The following MTERF4 variants were observed in gnomAD, a reference collection of about 807,000 sequenced individuals.
The protein encoded by MTERF4 is transcription termination factor 4, mitochondrial.
In MTERF4, 17 loss-of-function variants were observed where a neutral mutation model predicts 22.5. That is an observed-to-expected ratio of 0.75 (90% CI 0.52 to 1.13). MTERF4 has a LOEUF of 1.13. MTERF4 is among the 50% of genes most tolerant of loss of function. MTERF4 has a pLI of 0.00. For synonymous variants in MTERF4, 165 were observed against 175.3 expected, an observed-to-expected ratio of 0.94 and a Z score of 0.47; for missense variants, 420 against 466.8, an observed-to-expected ratio of 0.90 and a Z score of 0.92.
chr2:241,052,143 G>A, the MTERF4 span: 58 of 1,613,490 alleles, frequency 3.6e-5, no homozygotes, highest in South Asian at 2.0e-4. Flanking sequence ...TTCTCCGGGC[G>A]GCACTGCGAG....
In MTERF4 at chr2:241,096,179, C is replaced by T. The variant is rs115362671; in HGVS notation, c.965G>A (p.Arg322Gln). 2.0e-4 allele frequency: 320 copies of T among 1,614,148 alleles called. 1 individual carries two copies. The African/African-American group carries it at 3.7e-3, about 19-fold the overall frequency. ...GCTGCTCTCAGACTCCTCCTCCTCC[C>T]GAGCCAGGAGCTTCTTAAAAACTTG... ...EFQVFKKLLAREEEESESSTS... is the reference protein window; with the variant it reads ...EFQVFKKLLAQEEEESESSTS... The change falls in exon 4 of 4, where the codon CGG becomes CAG. Residue 322 changes from arginine to glutamine, a missense_variant. Arg to Gln is a conservative substitution (Grantham distance 43, BLOSUM62 1). Transcript: ENST00000391980. The surrounding 1 kb of genome is among the most constrained non-coding windows in gnomAD (Gnocchi z 5.1).
chr2:241,071,939 C>A, downstream of MTERF4: 1 of 1,337,876 alleles, frequency 7.5e-7, no homozygotes. Flanking sequence ...CTGCCACTCT[C>A]ACCAGGTCCT....
chr2:241,048,384 A>G, the MTERF4 span: 1 of 1,611,984 alleles, frequency 6.2e-7, no homozygotes, highest in South Asian at 1.1e-5. Context: ...GTGGATGCGG[A>G]CCAGGGCTAC....
downstream of MTERF4, chr2:241,068,012 G>C: frequency 6.9e-7 from 1 of 1,450,722 alleles, no homozygotes. This position sits in a 1 kb window ranked among gnomAD's most constrained non-coding sequence, Gnocchi z 5.3. Flanking sequence ...GGGGACACGG[G>C]GCCCAGGTCT....
In MTERF4 at chr2:241,075,567, T is replaced by C. The variant is rs1575082003; in HGVS notation, n.595A>G. 1 of 152,306 alleles carries C rather than the reference T, an allele frequency of 6.6e-6. No homozygotes were observed. The highest frequency in any genetic ancestry group is 1.9e-4 in the East Asian group (1 of 5,174). 9.4% of individuals were successfully genotyped at this position (152,306 alleles called of 1,614,324 possible). A position where few individuals can be genotyped will look rare whatever the true frequency, so the allele number is the denominator to read the frequency against. ...TTATGTTGGGTTATTTGTACTCTTT[T>C]TATTCATTTGTCAAAATTCTTATAT... is the stretch of plus-strand genomic sequence containing the variant. On this transcript the variant is annotated non_coding_transcript_exon_variant, in exon 5 of 5. Coordinates refer to the MTERF4 transcript ENST00000464344. This position sits in a 1 kb window ranked among gnomAD's most constrained non-coding sequence, Gnocchi z 4.8.
At chr2:241,071,083 G>A (rs985452031), downstream of MTERF4, among the ~76,000 whole-genome samples, 7 of 152,202 alleles carry the variant, frequency 4.6e-5, no homozygotes, top group Non-Finnish European at 8.8e-5. Context: ...GAGGGAGAGG[G>A]AAGGGGAAGG....
chr2:241,097,535 T>C, intron 2 of MTERF4, 108 bp from the exon 3 acceptor site: 9 of 1,043,234 alleles, frequency 8.6e-6, no homozygotes, highest in South Asian at 1.6e-5. Context: ...ACAAGGATCC[T>C]CTCCTTCCAC....
chr2:241,089,536 C>T (rs2063772671), downstream of MTERF4, among the ~76,000 whole-genome samples: 1 of 151,972 alleles, frequency 6.6e-6, no homozygotes, highest in Non-Finnish European at 1.5e-5. Flanking sequence ...TCTGAGTTGG[C>T]CATGACAGAG....
the MTERF4 span, chr2:241,053,296 G>A: frequency 1.1e-5 from 17 of 1,593,476 alleles, no homozygotes; most frequent in South Asian, 4.5e-5. Context: ...CCAGCCACAC[G>A]GTGTCTGGAG....
At chr2:241,082,230 G>A, downstream of MTERF4, 4 of 1,482,072 alleles carry the variant, frequency 2.7e-6, no homozygotes, top group South Asian at 4.6e-5. Flanking sequence ...AGGGGCAGGA[G>A]GAGCCGTCAG....
chr2:241,099,188 C>T (rs112650856), intron 2 of MTERF4: 39,841 of 542,254 alleles, frequency 0.073, 1,773 homozygotes, highest in African/African-American at 0.14. Flanking sequence ...GATTTTCATG[C>T]CTCAGCCTCC....
At chr2:241,063,980 C>G in the MTERF4 span, 13 of 1,472,362 alleles carry the variant, frequency 8.8e-6, no homozygotes, top group Non-Finnish European at 1.2e-5. Context: ...TCCCCCCTTG[C>G]AGCTTGGGCC....
chr2:241,087,724 A>G (rs1372553970), downstream of MTERF4: 9 of 1,339,400 alleles, frequency 6.7e-6, no homozygotes, highest in South Asian at 2.1e-5. Context: ...GGTTATGCAT[A>G]TTCACACAGA....
At chr2:241,087,314 G>T (rs2063634233), downstream of MTERF4, 1 of 1,381,168 alleles carries the variant, frequency 7.2e-7, no homozygotes, top group South Asian at 1.4e-5. Context: ...TTTACTGTGG[G>T]TTCACATAGC....
the MTERF4 span, among the ~76,000 whole-genome samples, chr2:241,065,940 C>T: frequency 6.0e-5 from 7 of 116,938 alleles, no homozygotes; most frequent in Non-Finnish European, 8.9e-5. Context: ...AGACAGGGGC[C>T]GCGGGGGTGG....
the MTERF4 span, among the ~76,000 whole-genome samples, chr2:241,066,382 G>C: frequency 2.0e-5 from 3 of 152,216 alleles, no homozygotes; most frequent in Non-Finnish European, 4.4e-5. Flanking sequence ...GGACGGACAG[G>C]GGCAGGGCCG....
chr2:241,065,705 G>C, the MTERF4 span: 1 of 932,256 alleles, frequency 1.1e-6, no homozygotes, highest in Non-Finnish European at 1.6e-6. Context: ...CCTAGTTCTT[G>C]CAGCAGCAAG....
At chr2:241,060,681 G>A in the MTERF4 span, among the ~76,000 whole-genome samples, 1 of 152,092 alleles carries the variant, frequency 6.6e-6, no homozygotes, top group Non-Finnish European at 1.5e-5. Context: ...CATGGCTCAT[G>A]CCTATAATCC....
chr2:241,052,909 G>A, the MTERF4 span, among the ~76,000 whole-genome samples: 1 of 151,486 alleles, frequency 6.6e-6, no homozygotes. Context: ...GAGGGCTAGA[G>A]GGGGGTCAAG....
Sources: allele counts gnomAD v4.1 joint callset (sites outside exome capture counted in the v4.1 genomes callset), GRCh38; gene constraint gnomAD v4.1.1; non-coding constraint Gnocchi (gnomAD v3.1); transcripts MANE v1.5; gene names NCBI Gene and HGNC (gene_info 2026-07-23, HGNC 2026-07-21).